Variants in KCTD20 observed in about 807,000 individuals in gnomAD.
KCTD20 encodes the protein potassium channel tetramerization domain containing 20.
In KCTD20, 30 loss-of-function variants were observed where a neutral mutation model predicts 39.6. The observed-to-expected ratio is 0.76, with a 90% CI of 0.57 to 1.03. The LOEUF is 1.03. KCTD20 is among the 50% of genes least tolerant of loss of function. The pLI, the probability that KCTD20 is intolerant of heterozygous loss-of-function variation, is 0.00. For missense variants in KCTD20, 422 were observed against 522.0 expected (o/e 0.81, Z 1.87); for synonymous variants, 162 against 180.6 (o/e 0.90, Z 0.83).
At chr6:36,463,101 C>T (rs1425857446) in intron 1 of KCTD20, among the ~76,000 whole-genome samples, 1 of 152,194 alleles carries the variant, frequency 6.6e-6, no homozygotes, top group Non-Finnish European at 1.5e-5. Context: ...ACTTTTCCCA[C>T]CCTTTTGCAT....
chr6:36,449,312 C>T (rs796423682), intron 1 of KCTD20, among the ~76,000 whole-genome samples: 12 of 152,232 alleles, frequency 7.9e-5, no homozygotes, highest in African/African-American at 2.6e-4. Context: ...TTTAGCTAGA[C>T]ACAGAGCACT....
At chr6:36,448,180 G>A (rs1053518564) in intron 1 of KCTD20, among the ~76,000 whole-genome samples, 2 of 152,088 alleles carry the variant, frequency 1.3e-5, no homozygotes, top group African/African-American at 4.8e-5. Context: ...TTTGCTTCTA[G>A]TTGTCGCTGT....
chr6:36,475,744 C>CT (rs926885576), intron 3 of KCTD20, among the ~76,000 whole-genome samples: 6 of 130,686 alleles, frequency 4.6e-5, no homozygotes, highest in East Asian at 2.5e-4. Flanking sequence ...ATCTTGCTCC[C>CT]TTTTTAAAAA....
In KCTD20 at chr6:36,454,347, C is replaced by CTT. The variant is rs11398517; in HGVS notation, c.-47+11247_-47+11248dup. 6.5e-3 allele frequency among the ~76,000 whole-genome samples: 953 copies of CTT among 146,482 alleles called. 8 individuals carry two copies. The highest frequency in any genetic ancestry group is 0.011 in the African/African-American group (447 of 39,912). ...GACCTAAAATATTTACTTTATGGCT[C>CTT]TTTTTTTTTTTTGAGATGGAGTCTC... On this transcript the variant is annotated intron_variant, in intron 1 of 7. Transcript: ENST00000373731.
chr6:36,460,174 C>T (rs768875712), intron 1 of KCTD20, among the ~76,000 whole-genome samples: 21 of 152,096 alleles, frequency 1.4e-4, no homozygotes, highest in Non-Finnish European at 2.8e-4. Context: ...TTGGATTGTT[C>T]TCCTTAAGGT....
intron 1 of KCTD20, among the ~76,000 whole-genome samples, chr6:36,455,594 A>AGTGTGTGTGTGTGTGT (rs71737281): frequency 1.3e-5 from 2 of 150,466 alleles, no homozygotes; most frequent in Non-Finnish European, 3.0e-5. Flanking sequence ...TAGAACCAGT[A>AGTGTGTGTGTGTGTGT]GTGTGTGTGT....
At position 36,469,197 on chromosome 6, in the gene KCTD20, G is replaced by C. The variant is rs1038279051; in HGVS notation, c.-46-855G>C. Among the ~76,000 whole-genome samples, 3 of 152,196 alleles carry C rather than the reference G, an allele frequency of 2.0e-5. No individual in the cohort carries two copies. The highest frequency in any genetic ancestry group is 7.2e-5 in the African/African-American group (3 of 41,440). ...AGATGATTCTTCCACCAGAATGCCA[G>C]TGGAAATTTGTACAGTGTAAACTGT... On this transcript the variant is annotated intron_variant, in intron 1 of 7. Coordinates refer to ENST00000373731, the MANE Select transcript of KCTD20 (RefSeq NM_173562.5). This position sits in a 1 kb window ranked among gnomAD's most constrained non-coding sequence, Gnocchi z 4.6.
chr6:36,482,556 AAAAC>A (rs566171039), intron 6 of KCTD20, among the ~76,000 whole-genome samples: 69 of 152,300 alleles, frequency 4.5e-4, no homozygotes, highest in African/African-American at 1.5e-3. Flanking sequence ...CCATCTCAAA[AAAAC>A]AAAAGAAAAA....
At chr6:36,450,870 C>G (rs1775232149) in intron 1 of KCTD20, 1 of 152,142 alleles carries the variant, frequency 6.6e-6, no homozygotes, top group Non-Finnish European at 1.5e-5. Flanking sequence ...TAAACTGTTT[C>G]AAGCAGTTTT....
chr6:36,448,450 A>G (rs1775125838), intron 1 of KCTD20, among the ~76,000 whole-genome samples: 1 of 152,196 alleles, frequency 6.6e-6, no homozygotes, highest in Non-Finnish European at 1.5e-5. Context: ...AAATTATCTA[A>G]GACACCCTCC....
rs149556452 is a variant in KCTD20 at position 36,473,461 on chromosome 6, G to A, written c.161-1328G>A. On this transcript the variant is annotated intron_variant, in intron 2 of 7. Coordinates refer to ENST00000373731, the MANE Select transcript of KCTD20 (RefSeq NM_173562.5). ...TTATTTATCCTCAATATAGATGATG[G>A]ACCAGGTAGAAAAATTAAATAAATT... is the stretch of plus-strand genomic sequence containing the variant. Among the ~76,000 whole-genome samples, 950 of 152,154 alleles carry A rather than the reference G, an allele frequency of 6.2e-3. 13 individuals are homozygous for A. Among genetic ancestry groups the A allele is most frequent in the African/African-American group, 0.022 (912 of 41,512 alleles).
At chr6:36,456,911 C>A (rs1775454962) in intron 1 of KCTD20, among the ~76,000 whole-genome samples, 1 of 152,146 alleles carries the variant, frequency 6.6e-6, no homozygotes, top group South Asian at 2.1e-4. Context: ...CTCATGCAAA[C>A]CTTGGCCTCT....
chr6:36,457,944 G>C (rs1192293571), intron 1 of KCTD20, among the ~76,000 whole-genome samples: 4 of 152,152 alleles, frequency 2.6e-5, no homozygotes, highest in African/African-American at 9.7e-5. Context: ...TGGAAGGTTT[G>C]AGATCCCAGA....
rs964849348 is a variant in KCTD20 at position 36,451,237 on chromosome 6, A to G, written c.-47+8126A>G. ...AAGCAGTTTTTAAGAAACCATTCCA[A>G]TGATTCCAATGTTTTCTTGAGAAGG... On this transcript the variant is annotated intron_variant, in intron 1 of 7. Transcript: ENST00000373731. 9.8e-5 allele frequency: 15 copies of G among 152,302 alleles called. 1 individual carries two copies. Among genetic ancestry groups the G allele is most frequent in the Admixed American group, 5.9e-4 (9 of 15,292 alleles). The allele number at this position is 152,302 out of a possible 1,614,324, so 9.4% of individuals were successfully genotyped here.
chr6:36,468,319 C>T (rs891630242), intron 1 of KCTD20, among the ~76,000 whole-genome samples: 16 of 152,146 alleles, frequency 1.1e-4, no homozygotes, highest in African/African-American at 3.6e-4. Flanking sequence ...GATAACAAAA[C>T]GATTTTCTTA....
intron 3 of KCTD20, among the ~76,000 whole-genome samples, chr6:36,477,321 A>G (rs1776091842): frequency 6.6e-6 from 1 of 152,200 alleles, no homozygotes; most frequent in Non-Finnish European, 1.5e-5. Flanking sequence ...TATAGTTACA[A>G]TATGTTCACT....
At chr6:36,479,462 A>G (rs1399867545) in intron 4 of KCTD20, 129 bp from the exon 5 acceptor site, 9 of 878,438 alleles carry the variant, frequency 1.0e-5, no homozygotes, top group South Asian at 5.1e-5. Flanking sequence ...TTGCCATCTA[A>G]TGAATCATCC....
At chr6:36,455,877 G>C (rs1261552222) in intron 1 of KCTD20, among the ~76,000 whole-genome samples, 2 of 152,152 alleles carry the variant, frequency 1.3e-5, no homozygotes, top group Non-Finnish European at 2.9e-5. Context: ...CTTAAAGTAA[G>C]TAACTATAGA....
At position 36,473,381 on chromosome 6, in the gene KCTD20, G is replaced by A. The variant is rs551680412; in HGVS notation, c.161-1408G>A. 1.6e-4 allele frequency among the ~76,000 whole-genome samples: 24 copies of A among 152,150 alleles called. 1 individual carries two copies. In the South Asian group the frequency reaches 4.6e-3, roughly 29 times the overall value. On this transcript the variant is annotated intron_variant, in intron 2 of 7. Coordinates refer to ENST00000373731, the MANE Select transcript of KCTD20 (RefSeq NM_173562.5). ...CCGGCCTATTTTTAAGTGCTCTCAC[G>A]TCCTTAATTTCAGTTTATAAGTGAA... is the stretch of plus-strand genomic sequence containing the variant.
Sources: allele counts gnomAD v4.1 joint callset (sites outside exome capture counted in the v4.1 genomes callset), GRCh38; gene constraint gnomAD v4.1.1; non-coding constraint Gnocchi (gnomAD v3.1); transcripts MANE v1.5; gene names NCBI Gene and HGNC (gene_info 2026-07-23, HGNC 2026-07-21).